KCNT2: variants seen among roughly 807,000 people sequenced by gnomAD.
The protein encoded by KCNT2 is potassium sodium-activated channel subfamily T member 2, also known as potassium channel subfamily T member 2.
Under a neutral mutation model 153.8 loss-of-function variants are expected in KCNT2, and 67 were observed. The ratio of observed to expected loss-of-function variants is 0.44; its 90% CI spans 0.36 to 0.53. The LOEUF (loss-of-function observed/expected upper bound fraction) is 0.53. KCNT2 is among the 20% of genes least tolerant of loss of function. The pLI, the probability that KCNT2 is intolerant of heterozygous loss-of-function variation, is 0.00. For synonymous variants in KCNT2, 500 were observed against 458.8 expected (o/e 1.09, Z -1.15); for missense variants, 975 against 1,354.8 (o/e 0.72, Z 4.40).
In KCNT2 at chr1:196,429,633, A is replaced by T; in HGVS notation, c.763T>A (p.Ser255Thr). 1 of 1,613,058 alleles carries T rather than the reference A, an allele frequency of 6.2e-7. No homozygotes were observed. Among genetic ancestry groups the T allele is most frequent in the Non-Finnish European group, 8.5e-7 (1 of 1,179,426 alleles). The change falls in exon 9 of 28, where the codon TCC (serine) becomes ACC (threonine). Residue 255 changes from serine to threonine, a missense_variant. Ser to Thr is a moderately conservative substitution (Grantham distance 58). Transcript: ENST00000294725. ...ATCATAGCAACTACAAAAAGCTTGGAGGACCATGTTTCAGGAGTGACATCC... is the reference window on the plus strand; with the variant it reads ...ATCATAGCAACTACAAAAAGCTTGGTGGACCATGTTTCAGGAGTGACATCC... Reference protein sequence around the residue: ...FGDVTPETWSSKLFVVAMICV... With the variant: ...FGDVTPETWSTKLFVVAMICV...
chr1:196,466,959 C>T (rs1452981568), intron 7 of KCNT2, among the ~76,000 whole-genome samples: 1 of 151,894 alleles, frequency 6.6e-6, no homozygotes, highest in Non-Finnish European at 1.5e-5. Flanking sequence ...TTTATTCTAC[C>T]TCTTGCTTCC....
intron 1 of KCNT2, among the ~76,000 whole-genome samples, chr1:196,505,611 T>G (rs1347691473): frequency 6.6e-6 from 1 of 152,190 alleles, no homozygotes; most frequent in East Asian, 1.9e-4. Context: ...TTTCTTCCAA[T>G]TCTGTGAAGA....
At chr1:196,541,874 C>T (rs1176768761) in intron 1 of KCNT2, among the ~76,000 whole-genome samples, 1 of 151,874 alleles carries the variant, frequency 6.6e-6, no homozygotes, top group Non-Finnish European at 1.5e-5. Context: ...TTTAAATATA[C>T]CACCTATTCA....
rs969013967 is a variant in KCNT2, at chr1:196,294,975, C to CA, written c.2596-9218dup. On this transcript the variant is annotated intron_variant, in intron 22 of 27. Transcript: ENST00000294725. ...GAGGAAAAAGCTTAGTGATCTATTG[C>CA]AAAAAAAAAATGCTAACTTCAATAA... 1.5e-3 allele frequency among the ~76,000 whole-genome samples: 218 copies of CA among 143,828 alleles called. 1 individual carries two copies. In the East Asian group the frequency reaches 0.016, roughly 10 times the overall value. The allele number at this position is 143,828 out of a possible 152,430, so 94.4% of individuals were successfully genotyped here. A position where few individuals can be genotyped will look rare whatever the true frequency, so the allele number is the denominator to read the frequency against.
intron 1 of KCNT2, among the ~76,000 whole-genome samples, chr1:196,542,007 C>G (rs1656444761): frequency 6.6e-6 from 1 of 151,334 alleles, no homozygotes; most frequent in East Asian, 1.9e-4. Context: ...ACATAATTTA[C>G]AAAATGAAAT....
intron 11 of KCNT2, among the ~76,000 whole-genome samples, chr1:196,423,588 CTA>C (rs1320016428): frequency 6.6e-6 from 1 of 151,610 alleles, no homozygotes; most frequent in Non-Finnish European, 1.5e-5. Context: ...TCCCCTCATA[CTA>C]GGGTTCAATA....
intron 12 of KCNT2, among the ~76,000 whole-genome samples, chr1:196,417,825 T>C (rs1457465608): frequency 6.6e-6 from 1 of 152,084 alleles, no homozygotes; most frequent in Admixed American, 6.6e-5. Flanking sequence ...TTGATCTTAG[T>C]CGACATCATC....
At chr1:196,345,580 G>C (rs1666073012) in intron 14 of KCNT2, among the ~76,000 whole-genome samples, 1 of 152,076 alleles carries the variant, frequency 6.6e-6, no homozygotes, top group Non-Finnish European at 1.5e-5. Context: ...GGAGATTTTT[G>C]AAGACTAGTA....
intron 14 of KCNT2, among the ~76,000 whole-genome samples, chr1:196,356,059 T>C (rs777290265): frequency 3.3e-5 from 5 of 151,804 alleles, no homozygotes; most frequent in South Asian, 2.1e-4. Context: ...CTTAGACATG[T>C]AGGAACTTAC....
At chr1:196,608,109 C>G in intron 1 of KCNT2, 106 bp downstream of exon 1, 3 of 972,792 alleles carry the variant, frequency 3.1e-6, no homozygotes, top group Non-Finnish European at 3.3e-6. Flanking sequence ...TAGTCTCCCT[C>G]TCTGGCTCCG....
chr1:196,510,121 T>G (rs1455454626), intron 1 of KCNT2, among the ~76,000 whole-genome samples: 3 of 151,976 alleles, frequency 2.0e-5, no homozygotes, highest in Admixed American at 6.6e-5. Context: ...GTAAAAGGAA[T>G]TAAAATGGCT....
chr1:196,338,136 G>A (rs576938889), intron 16 of KCNT2, among the ~76,000 whole-genome samples: 1 of 152,182 alleles, frequency 6.6e-6, no homozygotes, highest in South Asian at 2.1e-4. Flanking sequence ...TAAAACCATG[G>A]AATAGTGTTT....
chr1:196,605,190 C>T (rs185785983), intron 1 of KCNT2, among the ~76,000 whole-genome samples: 123 of 152,252 alleles, frequency 8.1e-4, no homozygotes, highest in African/African-American at 2.8e-3. Flanking sequence ...CTCTCTACAT[C>T]CAGAAAACAG....
At chr1:196,427,162 A>G (rs1323565753) in intron 10 of KCNT2, among the ~76,000 whole-genome samples, 1 of 152,036 alleles carries the variant, frequency 6.6e-6, no homozygotes, top group Non-Finnish European at 1.5e-5. Context: ...AAAAACAAGT[A>G]TGGAGTTGCT....
At chr1:196,486,374 A>T (rs1025392637) in intron 3 of KCNT2, among the ~76,000 whole-genome samples, 1 of 152,048 alleles carries the variant, frequency 6.6e-6, no homozygotes, top group Non-Finnish European at 1.5e-5. Context: ...ATTCTGAATT[A>T]GACTGTCCTG....
chr1:196,569,844 A>G (rs1660553201), intron 1 of KCNT2, among the ~76,000 whole-genome samples: 1 of 152,156 alleles, frequency 6.6e-6, no homozygotes, highest in Non-Finnish European at 1.5e-5. Context: ...TAAAAGACTA[A>G]GATTACATAT....
chr1:196,493,789 A>T (rs908685480), intron 1 of KCNT2, among the ~76,000 whole-genome samples: 1 of 152,164 alleles, frequency 6.6e-6, no homozygotes, highest in South Asian at 2.1e-4. Flanking sequence ...CTTCTAAAAT[A>T]CTTGAATGTT....
intron 22 of KCNT2, among the ~76,000 whole-genome samples, chr1:196,297,845 T>C (rs1660817105): frequency 6.6e-6 from 1 of 152,178 alleles, no homozygotes; most frequent in South Asian, 2.1e-4. Flanking sequence ...TGCTTTTGTT[T>C]GTTTTCATAT....
intron 1 of KCNT2, among the ~76,000 whole-genome samples, chr1:196,590,446 G>C (rs1455172252): frequency 6.6e-6 from 1 of 152,114 alleles, no homozygotes; most frequent in African/African-American, 2.4e-5. Context: ...ATAGTGTAAT[G>C]GTCACTGCAA....
Sources: allele counts gnomAD v4.1 joint callset (sites outside exome capture counted in the v4.1 genomes callset), GRCh38; gene constraint gnomAD v4.1.1; transcripts MANE v1.5; gene names NCBI Gene and HGNC (gene_info 2026-07-23, HGNC 2026-07-21).